PDE4D: variants seen among roughly 807,000 people sequenced by gnomAD.
The protein encoded by PDE4D is phosphodiesterase 4D.
PDE4D carries 24 observed loss-of-function variants against 87.4 expected under a neutral mutation model. That is an observed-to-expected ratio of 0.27 (90% CI 0.20 to 0.39). The LOEUF is 0.39. Ranked by LOEUF, PDE4D falls within the 10% of genes least tolerant of loss-of-function variation. The pLI is 1.00. For synonymous variants in PDE4D, 384 were observed against 383.2 expected, an observed-to-expected ratio of 1.00 and a Z score of -0.02; for missense variants, 714 against 1,041.0, an observed-to-expected ratio of 0.69 and a Z score of 4.32.
chr5:59,099,358 A>T (rs1306530770), intron 5 of PDE4D, among the ~76,000 whole-genome samples: 3 of 152,226 alleles, frequency 2.0e-5, no homozygotes, highest in Non-Finnish European at 1.5e-5. Flanking sequence ...AAATTCAGCT[A>T]ACCAACATGA....
intron 5 of PDE4D, among the ~76,000 whole-genome samples, chr5:59,137,272 T>A (rs1484478549): frequency 6.6e-6 from 1 of 152,158 alleles, no homozygotes; most frequent in East Asian, 1.9e-4. Context: ...AAACTAGAAA[T>A]GTTTTTGGAG....
chr5:60,406,546 G>A (rs1437700642), intron 1 of PDE4D, among the ~76,000 whole-genome samples: 2 of 152,150 alleles, frequency 1.3e-5, no homozygotes, highest in Non-Finnish European at 2.9e-5. Context: ...TTGAGTCTAT[G>A]ATTTTCCTGT....
intron 1 of PDE4D, among the ~76,000 whole-genome samples, chr5:60,467,733 A>G (rs923470343): frequency 2.0e-5 from 3 of 152,208 alleles, no homozygotes; most frequent in African/African-American, 7.2e-5. Flanking sequence ...AACAGGAAGC[A>G]TGACTTGGGG....
At chr5:59,255,324 T>G (rs1760760846) in intron 1 of PDE4D, among the ~76,000 whole-genome samples, 1 of 152,116 alleles carries the variant, frequency 6.6e-6, no homozygotes, top group Non-Finnish European at 1.5e-5. Flanking sequence ...TCATATTATA[T>G]AATTCCATTT....
chr5:60,208,373 G>A (rs1009683601), intron 1 of PDE4D, among the ~76,000 whole-genome samples: 2 of 152,180 alleles, frequency 1.3e-5, no homozygotes, highest in Non-Finnish European at 2.9e-5. Flanking sequence ...AAGCACAGCT[G>A]GGGCCAAGTG....
At chr5:60,430,066 G>A in intron 1 of PDE4D, 1 of 523,814 alleles carries the variant, frequency 1.9e-6, no homozygotes, top group African/African-American at 1.9e-5. Flanking sequence ...GGCCCAGACA[G>A]CTTTGTTGAG....
intron 2 of PDE4D, among the ~76,000 whole-genome samples, chr5:60,096,341 G>A (rs1582631722): frequency 6.6e-6 from 1 of 152,042 alleles, no homozygotes; most frequent in South Asian, 2.1e-4. Flanking sequence ...ATGGTGTTGG[G>A]AAAACTGGCT....
intron 1 of PDE4D, among the ~76,000 whole-genome samples, chr5:60,431,656 CT>C (rs1337187524): frequency 6.6e-6 from 1 of 151,364 alleles, no homozygotes; most frequent in African/African-American, 2.4e-5. Context: ...ACGCTCCTCA[CT>C]TCCCAGACGG....
At chr5:59,085,552 C>A (rs1016191370) in intron 5 of PDE4D, among the ~76,000 whole-genome samples, 1 of 152,164 alleles carries the variant, frequency 6.6e-6, no homozygotes, top group Non-Finnish European at 1.5e-5. Flanking sequence ...ATGCAAACAA[C>A]TACCCTCTTG....
At chr5:59,763,322 A>C (rs28583502) in intron 1 of PDE4D, among the ~76,000 whole-genome samples, 26,471 of 151,688 alleles carry the variant, frequency 0.17, 3,017 homozygotes, top group South Asian at 0.26. Flanking sequence ...CTTAAAGTAT[A>C]ATAATAATAA....
intron 1 of PDE4D, among the ~76,000 whole-genome samples, chr5:59,226,788 A>G (rs962786655): frequency 2.3e-4 from 35 of 152,180 alleles, no homozygotes; most frequent in Non-Finnish European, 4.9e-4. Context: ...AGAAATCATG[A>G]GAACTTCAAG....
intron 2 of PDE4D, among the ~76,000 whole-genome samples, chr5:60,002,061 C>T (rs1215321788): frequency 1.3e-5 from 2 of 151,664 alleles, no homozygotes; most frequent in African/African-American, 2.4e-5. Context: ...AAATAATAAT[C>T]TTGGATATAA....
intron 1 of PDE4D, among the ~76,000 whole-genome samples, chr5:60,227,607 G>GTAGA (rs1427497100): frequency 7.6e-6 from 1 of 132,174 alleles, no homozygotes; most frequent in East Asian, 2.6e-4. Context: ...GAGAGGGAGG[G>GTAGA]AGGGAGGAAA....
chr5:59,844,935 G>A (rs1425844758), intron 1 of PDE4D, among the ~76,000 whole-genome samples: 1 of 152,038 alleles, frequency 6.6e-6, no homozygotes, highest in African/African-American at 2.4e-5. Context: ...TTCTCTTGCT[G>A]GTCTTGAAGT....
At chr5:60,420,922 T>C (rs755311306) in intron 1 of PDE4D, among the ~76,000 whole-genome samples, 81 of 152,354 alleles carry the variant, frequency 5.3e-4, no homozygotes, top group Admixed American at 1.2e-3. Flanking sequence ...CCATGGAGAC[T>C]TGCTCATTGC....
At chr5:59,503,258 T>C (rs964412284) in intron 1 of PDE4D, among the ~76,000 whole-genome samples, 7 of 152,158 alleles carry the variant, frequency 4.6e-5, no homozygotes, top group East Asian at 1.9e-4. Context: ...TGTAGAAATA[T>C]AGGGGAAACT....
intron 1 of PDE4D, among the ~76,000 whole-genome samples, chr5:59,655,216 A>G (rs1561414690): frequency 6.6e-6 from 1 of 152,188 alleles, no homozygotes; most frequent in South Asian, 2.1e-4. Context: ...GCGGCCACAC[A>G]TCTTAGACCA....
At chr5:59,080,599 A>C (rs1209990728) in intron 5 of PDE4D, among the ~76,000 whole-genome samples, 1 of 152,176 alleles carries the variant, frequency 6.6e-6, no homozygotes, top group African/African-American at 2.4e-5. Context: ...ATCAGCTGAA[A>C]AGGGTGGCTT....
intron 1 of PDE4D, among the ~76,000 whole-genome samples, chr5:60,236,437 A>T (rs1746438367): frequency 6.6e-6 from 1 of 151,964 alleles, no homozygotes; most frequent in African/African-American, 2.4e-5. Context: ...TGGCAAAAAG[A>T]CATAGACATT....
Sources: gnomAD v4.1 joint callset for allele counts (sites outside exome capture counted in the v4.1 genomes callset) on GRCh38, gnomAD v4.1.1 for gene constraint, MANE v1.5 for transcripts, NCBI Gene and HGNC (gene_info 2026-07-23, HGNC 2026-07-21) for gene names.